The following CCDC7 variants were observed in gnomAD, a reference collection of about 807,000 sequenced individuals.
CCDC7 encodes coiled-coil domain-containing protein 7.
CCDC7 carries 183 observed loss-of-function variants against 196.9 expected under a neutral mutation model. The observed-to-expected ratio is 0.93, with a 90% CI of 0.82 to 1.05. CCDC7 has a LOEUF of 1.05. CCDC7 is among the 50% of genes least tolerant of loss of function. The probability of loss-of-function intolerance (pLI) is 0.00; values close to 1 mark genes in which losing one functional copy is unlikely to be tolerated. For missense variants in CCDC7, 1,540 were observed against 1,482.2 expected (o/e 1.04, Z -0.64); for synonymous variants, 525 against 484.6 (o/e 1.08, Z -1.10).
At chr10:32,847,836 C>T in exon 38 of CCDC7, 1 of 1,601,086 alleles carries the variant, frequency 6.2e-7, no homozygotes, top group Non-Finnish European at 8.5e-7. Context: ...TCTATAGAGA[C>T]TGATGTAGAA....
At chr10:32,798,775 C>G (rs991181352) in intron 29 of CCDC7, among the ~76,000 whole-genome samples, 2 of 152,202 alleles carry the variant, frequency 1.3e-5, no homozygotes, top group Non-Finnish European at 2.9e-5. Context: ...TTTCTCTTCA[C>G]TGCTGTCCTT....
chr10:32,761,818 A>G (rs2077508082), intron 28 of CCDC7, among the ~76,000 whole-genome samples: 1 of 152,014 alleles, frequency 6.6e-6, no homozygotes, highest in African/African-American at 2.4e-5. Context: ...TAATGAAGCT[A>G]GGGATGTTTA....
At chr10:32,682,799 A>G (rs2076014810) in intron 21 of CCDC7, among the ~76,000 whole-genome samples, 1 of 152,126 alleles carries the variant, frequency 6.6e-6, no homozygotes, top group Admixed American at 6.5e-5. Flanking sequence ...TCTTCTTTTG[A>G]TAAGTGTCTG....
At chr10:32,664,110 A>G (rs1227687794) in exon 21 of CCDC7, 1 of 396,594 alleles carries the variant, frequency 2.5e-6, no homozygotes, top group Non-Finnish European at 4.5e-6. Context: ...AAAGTCAAAA[A>G]CGGAAGTAGA....
chr10:32,684,368 G>A (rs1019367706), intron 21 of CCDC7, among the ~76,000 whole-genome samples: 1 of 152,178 alleles, frequency 6.6e-6, no homozygotes, highest in African/African-American at 2.4e-5. Flanking sequence ...CAGTCTGGGG[G>A]CCCCAGGGAG....
intron 11 of CCDC7, among the ~76,000 whole-genome samples, chr10:32,540,030 C>T (rs1021161088): frequency 6.6e-6 from 1 of 151,888 alleles, no homozygotes; most frequent in African/African-American, 2.4e-5. Context: ...GTCCACTAGT[C>T]AAGTGTTGAG....
chr10:32,846,519 T>C, intron 37 of CCDC7, 60 bp downstream of exon 38: 2 of 1,058,682 alleles, frequency 1.9e-6, no homozygotes, highest in Non-Finnish European at 2.8e-6. Context: ...CTGAGTTAAA[T>C]TAAGTATAGA....
At chr10:32,625,302 T>C (rs1194843743) in intron 18 of CCDC7, among the ~76,000 whole-genome samples, 2 of 151,912 alleles carry the variant, frequency 1.3e-5, no homozygotes, top group African/African-American at 2.4e-5. Flanking sequence ...CTGTCAAAGA[T>C]TAATTGACCA....
At chr10:32,756,805 G>T (rs908432317) in intron 28 of CCDC7, among the ~76,000 whole-genome samples, 3 of 152,168 alleles carry the variant, frequency 2.0e-5, no homozygotes, top group Non-Finnish European at 4.4e-5. Context: ...GACACAGACT[G>T]GCAAATTGGA....
chr10:32,798,920 A>G (rs2084199085), intron 29 of CCDC7, among the ~76,000 whole-genome samples: 1 of 152,162 alleles, frequency 6.6e-6, no homozygotes, highest in South Asian at 2.1e-4. Context: ...GGAACTCCCC[A>G]TGGGGCCACT....
At chr10:32,710,229 C>G (rs1316233203) in intron 24 of CCDC7, among the ~76,000 whole-genome samples, 1 of 152,172 alleles carries the variant, frequency 6.6e-6, no homozygotes, top group South Asian at 2.1e-4. Flanking sequence ...CCTCTAAATT[C>G]TCCTAGATCA....
exon 1 of CCDC7, chr10:32,451,757 C>A (rs1232755457): frequency 6.2e-7 from 1 of 1,614,090 alleles, no homozygotes; most frequent in Non-Finnish European, 8.5e-7. Flanking sequence ...AAAGGAAAAA[C>A]ATAATGCAAA....
intron 32 of CCDC7, among the ~76,000 whole-genome samples, chr10:32,825,548 A>G (rs143269020): frequency 1.8e-3 from 280 of 152,142 alleles, no homozygotes; most frequent in Middle Eastern, 0.014. Context: ...ATCTATATCT[A>G]TATCTTCTAT....
intron 9 of CCDC7, among the ~76,000 whole-genome samples, chr10:32,514,998 A>T (rs536685096): frequency 4.7e-4 from 72 of 151,940 alleles, no homozygotes; most frequent in South Asian, 6.2e-4. Context: ...CAATTAAAAA[A>T]TTTTTTTTGT....
chr10:32,837,916 G>A (rs1435875345), intron 33 of CCDC7, among the ~76,000 whole-genome samples: 1 of 134,988 alleles, frequency 7.4e-6, no homozygotes, highest in Non-Finnish European at 1.6e-5. Flanking sequence ...CACACACCGG[G>A]GCTTGTTGTG....
intron 18 of CCDC7, among the ~76,000 whole-genome samples, chr10:32,598,675 A>C (rs1429285342): frequency 6.6e-6 from 1 of 152,232 alleles, no homozygotes; most frequent in Admixed American, 6.5e-5. Context: ...TGTGGGACCC[A>C]TTGGTAGTTT....
At chr10:32,767,320 AT>A (rs1215211054) in intron 28 of CCDC7, among the ~76,000 whole-genome samples, 1 of 152,098 alleles carries the variant, frequency 6.6e-6, no homozygotes, top group East Asian at 1.9e-4. Context: ...CTTTTACCTA[AT>A]TTTTATACAC....
intron 25 of CCDC7, among the ~76,000 whole-genome samples, chr10:32,724,301 G>C (rs962052690): frequency 6.6e-6 from 1 of 152,002 alleles, no homozygotes; most frequent in African/African-American, 2.4e-5. Flanking sequence ...TGGGATCCTC[G>C]GGGTTCTTTT....
rs530510412 is a variant in CCDC7, at chr10:32,813,932, C to T, written c.3098-438C>T. On this transcript the variant is annotated intron_variant, in intron 30 of 41. Transcript: ENST00000639629. ...CCAATCCAGACATTTCATTTTAATT[C>T]TTCTATAAATACAATTTTTATTTTC... 3.9e-5 allele frequency among the ~76,000 whole-genome samples: 6 copies of T among 151,938 alleles called. No individual in the cohort carries two copies. The South Asian group carries it at 1.2e-3, about 32-fold the overall frequency.
Sources: gnomAD v4.1 joint callset for allele counts (sites outside exome capture counted in the v4.1 genomes callset) on GRCh38, gnomAD v4.1.1 for gene constraint, MANE v1.5 for transcripts, NCBI Gene and HGNC (gene_info 2026-07-23, HGNC 2026-07-21) for gene names.